Variants in CDC42BPG observed in about 807,000 individuals in gnomAD.
CDC42BPG encodes serine/threonine-protein kinase MRCK gamma.
Under a neutral mutation model 192.2 loss-of-function variants are expected in CDC42BPG, and 157 were observed. That is an observed-to-expected ratio of 0.82 (90% confidence interval 0.72 to 0.93). The LOEUF (loss-of-function observed/expected upper bound fraction) is 0.93. CDC42BPG is among the 40% of genes least tolerant of loss of function. CDC42BPG has a pLI of 0.00. For missense variants in CDC42BPG, 1,992 were observed against 2,122.1 expected (o/e 0.94, Z 1.20); for synonymous variants, 981 against 918.5 (o/e 1.07, Z -1.23).
At position 64,829,613 on chromosome 11, in the gene CDC42BPG, G is replaced by A. The variant is rs1033975414; in HGVS notation, c.3825C>T (p.Gly1275=). Residue 1275 remains glycine (G), a synonymous_variant, in exon 30 of 37, where the codon GGC becomes GGT. Coordinates refer to ENST00000342711, the MANE Select transcript of CDC42BPG (RefSeq NM_017525.3). ...CCACGGCACCCAGTGCCTCACCCAG[G>A]CCCCCGCGGGATGGTGGCAGCTCCT... is the stretch of plus-strand genomic sequence containing the variant. The part of the protein sequence containing the change: ...VPEELPPSRG[G]LGEALGAVEL... 9.9e-6 allele frequency: 16 copies of A among 1,611,648 alleles called. No individual in the cohort carries two copies. The highest frequency in any genetic ancestry group is 1.3e-5 in the African/African-American group (1 of 74,930).
chr11:64,844,350 C>T (rs1943410906), intron 1 of CDC42BPG, 60 bp downstream of exon 1: 2 of 1,313,176 alleles, frequency 1.5e-6, no homozygotes, highest in African/African-American at 1.6e-5. Flanking sequence ...TCTGCGGGTG[C>T]GGGGGTCTCG....
chr11:64,839,053 C>T lies in CDC42BPG; in HGVS notation c.856G>A (p.Gly286Ser), dbSNP rs750464081. The T allele has an allele frequency of 3.7e-5, 60 of 1,613,504 alleles. No homozygotes were observed. The highest frequency in any genetic ancestry group is 4.7e-5 in the Non-Finnish European group (56 of 1,180,030). The change falls in exon 7 of 37, where the codon GGC becomes AGC. Residue 286 changes from glycine (G) to serine (S), a missense_variant. This residue lies in a region of CDC42BPG where 1,656 missense variants were observed against 1,844.3 expected (regional missense o/e 0.90). Transcript: ENST00000342711. ...FYAESLVETY[G>S]KIMNHEDHLQ... ...CAGACCTCGTGGTTCATGATCTTGC[C>T]GTAGGTTTCCACCAAGGACTCAGCA...
intron 10 of CDC42BPG, 50 bp downstream of exon 10, chr11:64,836,872 G>A: frequency 6.2e-7 from 1 of 1,609,802 alleles, no homozygotes; most frequent in South Asian, 1.1e-5. Flanking sequence ...TCCCGCAGCA[G>A]CAGCCCCTAG....
chr11:64,831,833 G>C, intron 27 of CDC42BPG, 112 bp from the exon 28 acceptor site: 3 of 927,166 alleles, frequency 3.2e-6, no homozygotes, highest in Non-Finnish European at 4.9e-6. Flanking sequence ...ACTGTCAGCA[G>C]CAGGGAGTAG....
intron 24 of CDC42BPG, 105 bp from the exon 25 acceptor site, chr11:64,833,064 A>G (rs1942780417): frequency 2.2e-6 from 3 of 1,392,358 alleles, no homozygotes; most frequent in South Asian, 2.8e-5. Context: ...CCACGGTGGC[A>G]CCCGAACTGT....
chr11:64,831,525 G>A lies in CDC42BPG; in HGVS notation c.3284C>T (p.Thr1095Met), dbSNP rs1287189172. 1.5e-5 allele frequency: 24 copies of A among 1,610,836 alleles called. No individual in the cohort carries two copies. Among genetic ancestry groups the A allele is most frequent in the Admixed American group, 3.3e-5 (2 of 59,918 alleles). The change falls in exon 28 of 37, where the codon ACG (threonine) becomes ATG (methionine). Residue 1095 changes from threonine to methionine, a missense_variant. Around this residue, in one of 2 missense-constraint regions of CDC42BPG, gnomAD observed 1,656 missense variants for 1,844.3 expected, o/e 0.90. Transcript: ENST00000342711. ...CTCACCGAGGATGGCAGCGCAGAGC[G>A]TGTGAGGCAGCAGCGGCAGCCCGTT... Reference protein sequence around the residue: ...YDNGLPLLPHTLCAAILDQDR... With the variant: ...YDNGLPLLPHMLCAAILDQDR...
intron 3 of CDC42BPG, 83 bp downstream of exon 3, chr11:64,841,567 C>G (rs540547698): frequency 3.4e-6 from 4 of 1,168,616 alleles, no homozygotes; most frequent in African/African-American, 1.5e-5. Context: ...GCCCGCCCCC[C>G]CCGCGCCATA....
chr11:64,834,030 G>A, intron 20 of CDC42BPG, 53 bp from the exon 21 acceptor site: 3 of 1,609,156 alleles, frequency 1.9e-6, no homozygotes, highest in Non-Finnish European at 8.5e-7. Flanking sequence ...GAGGAACTAG[G>A]GTCCAGGAGG....
intron 1 of CDC42BPG, among the ~76,000 whole-genome samples, 181 bp from the exon 2 acceptor site, chr11:64,842,085 T>C (rs554002261): frequency 6.6e-6 from 1 of 152,268 alleles, no homozygotes; most frequent in South Asian, 2.1e-4. Context: ...GATCAGGAAG[T>C]GCGGAAGGTC....
In CDC42BPG at chr11:64,827,361, G is replaced by A; in HGVS notation, c.4188C>T (p.Asn1396=). Residue 1396 remains asparagine, a synonymous_variant, in exon 33 of 37, where the codon AAC becomes AAT. Coordinates refer to ENST00000342711, the MANE Select transcript of CDC42BPG (RefSeq NM_017525.3). ...TGGTGCGGAACAGCTGGCGCCGGCTGTTGTCGGTGAGGTCCGGGATGTCGA... is the reference window on the plus strand; with the variant it reads ...TGGTGCGGAACAGCTGGCGCCGGCTATTGTCGGTGAGGTCCGGGATGTCGA... The part of the protein sequence containing the change: ...DEFDIPDLTD[N]SRRQLFRTKS... The A allele has an allele frequency of 1.2e-6, 2 of 1,614,126 alleles. No individual in the cohort carries two copies. The highest frequency in any genetic ancestry group is 1.7e-6 in the Non-Finnish European group (2 of 1,179,956).
At position 64,841,993 on chromosome 11, in the gene CDC42BPG, T is replaced by C. The variant is rs117821483; in HGVS notation, c.161-89A>G. On this transcript the variant is annotated intron_variant, in intron 1 of 36. Transcript: ENST00000342711. ...TGGGCAAGCCAGGAGCTGCCGCTCCTGTGAGCCCAGGCAGGGATGACCTCC... is the reference window on the plus strand; with the variant it reads ...TGGGCAAGCCAGGAGCTGCCGCTCCCGTGAGCCCAGGCAGGGATGACCTCC... 654 of 1,086,950 alleles carry C rather than the reference T, an allele frequency of 6.0e-4. 6 individuals carry two copies. The East Asian group carries it at 0.015, about 25-fold the overall frequency. 67.3% of individuals were successfully genotyped at this position (1,086,950 alleles called of 1,614,324 possible). A position where few individuals can be genotyped will look rare whatever the true frequency, so the allele number is the denominator to read the frequency against.
Position 64,833,920 on chromosome 11 carries a change from C to G in CDC42BPG, c.2466+5G>C. 6.2e-7 allele frequency: 1 copy of G among 1,614,242 alleles called. No individual in the cohort carries two copies. The highest frequency in any genetic ancestry group is 8.5e-7 in the Non-Finnish European group (1 of 1,180,042). On this transcript the variant is annotated splice_donor_5th_base_variant and intron_variant, in intron 21 of 36. Transcript: ENST00000342711. ...CCCCAACAAGCCCCTTGGCCTGGTC[C>G]TTACCTCTGAGCTCCGGAAGGACAG...
At chr11:64,841,527 G>A in intron 3 of CDC42BPG, 123 bp downstream of exon 3, 1 of 731,120 alleles carries the variant, frequency 1.4e-6, no homozygotes, top group Non-Finnish European at 2.4e-6. Context: ...GGCTGCTGAG[G>A]GTGGCACCCT....
intron 14 of CDC42BPG, 33 bp from the exon 15 acceptor site, chr11:64,835,654 C>T (rs368372706): frequency 1.3e-6 from 2 of 1,579,286 alleles, no homozygotes; most frequent in South Asian, 2.3e-5. Flanking sequence ...GGGCAGAGAC[C>T]CAAGATGCCA....
rs375836820 is a variant in CDC42BPG at position 64,834,278 on chromosome 11, G to A, written c.2401C>T (p.Arg801Ter). Reference protein sequence around the residue: ...LAMLREELRARGPVDTKPSNS... With the variant: ...LAMLREELRA ...GGCAGCCACTCACCCACTGGCCCTC[G>A]GGCCCGCAGCTCCTCCCGCAGCATG... The change falls in exon 20 of 37, where the codon CGA (arginine) becomes TGA (stop). Residue 801 changes from arginine to a stop codon, truncating the protein, a stop_gained. Coordinates refer to ENST00000342711, the MANE Select transcript of CDC42BPG (RefSeq NM_017525.3). LOFTEE classifies it high-confidence loss of function. 1.2e-5 allele frequency: 19 copies of A among 1,574,040 alleles called. No homozygotes were observed. The highest frequency in any genetic ancestry group is 2.4e-5 in the East Asian group (1 of 42,412).
At position 64,844,481 on chromosome 11, in the gene CDC42BPG, A is replaced by G; in HGVS notation, c.89T>C (p.Leu30Pro). The change falls in exon 1 of 37, where the codon CTG (leucine) becomes CCG (proline). Residue 30 changes from leucine to proline, a missense_variant. Leu to Pro is a moderately conservative substitution (Grantham distance 98, BLOSUM62 -3). Transcript: ENST00000342711. ...GCTGCTGAGCTCGTGGTGCAGCGCC[A>G]GCAGCAGATCTAGGAGGCCGTCGAG... is the stretch of plus-strand genomic sequence containing the variant. ...PGLDGLLDLLLALHHELSSGP... is the reference protein window; with the variant it reads ...PGLDGLLDLLPALHHELSSGP... 1 of 1,438,194 alleles carries G rather than the reference A, an allele frequency of 7.0e-7. No individual in the cohort carries two copies. Among genetic ancestry groups the G allele is most frequent in the South Asian group, 1.4e-5 (1 of 71,804 alleles). The allele number at this position is 1,438,194 out of a possible 1,614,324, so 89.1% of individuals were successfully genotyped here.
At chr11:64,844,376 G>T in intron 1 of CDC42BPG, 34 bp downstream of exon 1, 1 of 1,362,042 alleles carries the variant, frequency 7.3e-7, no homozygotes, top group Admixed American at 3.6e-5. Flanking sequence ...ATATCCCTAG[G>T]CCCGCCCCCG....
rs771091305 is a variant in CDC42BPG at position 64,835,395 on chromosome 11, C to A, written c.1905G>T (p.Leu635=). ...SHRPSGKEEA[L]CQLQEENRRL... is the part of the protein sequence containing the mutation. ...TCCGGTTTTCCTCCTGCAGCTGGCA[C>A]AGAGCCTCCTCCTTACCACTCGGCC... The change falls in exon 16 of 37, where the codon CTG becomes CTT. Residue 635 remains leucine (L), a synonymous_variant. Coordinates refer to ENST00000342711, the MANE Select transcript of CDC42BPG (RefSeq NM_017525.3). 12 of 1,613,912 alleles carry A rather than the reference C, an allele frequency of 7.4e-6. No individual in the cohort carries two copies. Among genetic ancestry groups the A allele is most frequent in the Non-Finnish European group, 1.7e-6 (2 of 1,180,020 alleles).
chr11:64,831,365 G>A, intron 28 of CDC42BPG, 140 bp downstream of exon 28: 2 of 739,740 alleles, frequency 2.7e-6, no homozygotes, highest in Non-Finnish European at 2.2e-6. Flanking sequence ...ACAGGAGGCT[G>A]GAGCACATAC....
Sources: gnomAD v4.1 joint callset for allele counts (sites outside exome capture counted in the v4.1 genomes callset) on GRCh38, gnomAD v4.1.1 for gene constraint, gnomAD v4.1.1 regional missense constraint, MANE v1.5 for transcripts, NCBI Gene and HGNC (gene_info 2026-07-23, HGNC 2026-07-21) for gene names.